Variants in CUBN observed in about 807,000 individuals in gnomAD.
CUBN encodes cubilin.
A neutral mutation model predicts 405.3 loss-of-function variants in CUBN; 282 were observed. The ratio of observed to expected loss-of-function variants is 0.70; its 90% CI spans 0.63 to 0.77. CUBN has a LOEUF of 0.77. Among genes scored for constraint, CUBN ranks in the 30% least tolerant of loss-of-function variants. The pLI is 0.00. For missense variants in CUBN, 4,514 were observed against 4,475.2 expected (o/e 1.01, Z -0.25); for synonymous variants, 1,684 against 1,617.0 (o/e 1.04, Z -0.99).
At chr10:16,873,417 T>C (rs779987515) in intron 58 of CUBN, among the ~76,000 whole-genome samples, 3 of 152,020 alleles carry the variant, frequency 2.0e-5, no homozygotes, top group Non-Finnish European at 2.9e-5. Context: ...ATTTCTTAAG[T>C]AGTTAGAAAA....
At chr10:17,121,448 A>T (rs556457754) in intron 6 of CUBN, among the ~76,000 whole-genome samples, 1 of 151,380 alleles carries the variant, frequency 6.6e-6, no homozygotes, top group Non-Finnish European at 1.5e-5. Context: ...TCACAAGGAC[A>T]AAAAACCAAA....
chr10:16,854,719 A>T (rs1839818397), intron 59 of CUBN, among the ~76,000 whole-genome samples: 1 of 152,244 alleles, frequency 6.6e-6, no homozygotes, highest in Non-Finnish European at 1.5e-5. Flanking sequence ...ATAAGTTCAT[A>T]AGGGCAAGAT....
intron 43 of CUBN, among the ~76,000 whole-genome samples, chr10:16,923,519 G>T (rs755001153): frequency 1.1e-4 from 16 of 152,330 alleles, no homozygotes; most frequent in Middle Eastern, 3.4e-3. Flanking sequence ...GAGTTGGTAA[G>T]TAGAGAGAAA....
intron 66 of CUBN, among the ~76,000 whole-genome samples, chr10:16,826,645 G>A (rs1222948607): frequency 1.3e-5 from 2 of 152,034 alleles, no homozygotes; most frequent in Admixed American, 6.6e-5. Context: ...GGAAAATACC[G>A]TAAACACCAA....
intron 10 of CUBN, among the ~76,000 whole-genome samples, chr10:17,108,377 GTA>G (rs1034804426): frequency 8.4e-5 from 4 of 47,514 alleles, no homozygotes; most frequent in Admixed American, 2.4e-4. Flanking sequence ...TTAGTCACAA[GTA>G]TATGTGTGTG....
chr10:17,075,719 C>T (rs1645172382), intron 17 of CUBN, among the ~76,000 whole-genome samples: 1 of 152,192 alleles, frequency 6.6e-6, no homozygotes, highest in African/African-American at 2.4e-5. Context: ...GACTCAGGCT[C>T]ATACTAGTTC....
rs1588653131 is a variant in CUBN, at chr10:17,115,659, A to C, written c.594-62T>G. ...GCTTTGGGGCCAGTGCCTGTCTCTT[A>C]ATATCAATGAGAAAAATAATTCAAA... On this transcript the variant is annotated intron_variant, in intron 6 of 66. Coordinates refer to ENST00000377833, the MANE Select transcript of CUBN (RefSeq NM_001081.4). 11 of 1,557,888 alleles carry C rather than the reference A, an allele frequency of 7.1e-6. No individual in the cohort carries two copies. In the South Asian group the frequency reaches 1.2e-4, roughly 17 times the overall value.
chr10:17,094,977 A>G (rs946632953), intron 14 of CUBN, among the ~76,000 whole-genome samples: 1 of 152,064 alleles, frequency 6.6e-6, no homozygotes, highest in Non-Finnish European at 1.5e-5. Flanking sequence ...TACATTTAAA[A>G]TAAAAATACA....
In CUBN at chr10:16,940,033, C is replaced by A; in HGVS notation, c.5547G>T (p.Lys1849Asn). ...ATCACTAAAATAGAAACAACTTACTCTTCATAAATGTGGCCTGGAAGCCCG... is the reference window on the plus strand; with the variant it reads ...ATCACTAAAATAGAAACAACTTACTATTCATAAATGTGGCCTGGAAGCCCG... ...SGTGFQATFM[K>N]IFGNDNIVGT... The change falls in exon 37 of 67, where the codon AAG (lysine) becomes AAT (asparagine). Residue 1849 changes from lysine to asparagine, a missense_variant and splice_region_variant. This residue lies in a region of CUBN where 1,613 missense variants were observed against 1,542.8 expected (regional missense o/e 1.05). Transcript: ENST00000377833. 1 of 1,612,968 alleles carries A rather than the reference C, an allele frequency of 6.2e-7. No individual in the cohort carries two copies. The highest frequency in any genetic ancestry group is 8.5e-7 in the Non-Finnish European group (1 of 1,178,990).
chr10:16,929,800 A>G (rs1183206379), intron 40 of CUBN, among the ~76,000 whole-genome samples: 1 of 152,230 alleles, frequency 6.6e-6, no homozygotes, highest in African/African-American at 2.4e-5. Flanking sequence ...CCTGTACTAC[A>G]AAATTTTGAA....
chr10:17,121,134 A>G lies in CUBN; in HGVS notation c.593+1661T>C, dbSNP rs984124319. On this transcript the variant is annotated intron_variant, in intron 6 of 66. Transcript: ENST00000377833. ...TGGAATCAAAAAGCTCTTTAATAAC[A>G]TAACACTAAATTTAAGTCAGAAGTG... Among the ~76,000 whole-genome samples, 4 of 152,236 alleles carry G rather than the reference A, an allele frequency of 2.6e-5. No homozygotes were observed. In the East Asian group the frequency reaches 5.8e-4, roughly 22 times the overall value.
intron 29 of CUBN, among the ~76,000 whole-genome samples, chr10:16,987,721 T>C (rs1442213610): frequency 6.6e-6 from 1 of 152,154 alleles, no homozygotes; most frequent in Non-Finnish European, 1.5e-5. Context: ...ACTACTAACA[T>C]GTTATCAGCA....
At chr10:17,001,279 G>A (rs143405292) in intron 28 of CUBN, among the ~76,000 whole-genome samples, 53 of 152,330 alleles carry the variant, frequency 3.5e-4, no homozygotes, top group East Asian at 1.4e-3. Context: ...CTTCCACAGC[G>A]TGCAGGGCAA....
chr10:16,935,618 G>A (rs777806796), intron 39 of CUBN, among the ~76,000 whole-genome samples: 2 of 152,028 alleles, frequency 1.3e-5, no homozygotes, highest in Admixed American at 6.5e-5. Context: ...AGTGGCTCAC[G>A]CCTGTAATTC....
chr10:17,114,288 G>T, intron 7 of CUBN, 99 bp from the exon 8 acceptor site: 1 of 1,234,798 alleles, frequency 8.1e-7, no homozygotes, highest in East Asian at 2.5e-5. Context: ...ATCCTCTAAC[G>T]TTCATTTCCA....
At chr10:16,828,722 TAAA>T in intron 66 of CUBN, 80 bp downstream of exon 66, 13 of 954,540 alleles carry the variant, frequency 1.4e-5, no homozygotes, top group Non-Finnish European at 1.7e-5. Flanking sequence ...GATTCCATCT[TAAA>T]AAAAAAAAAA....
chr10:16,918,642 A>T lies in CUBN; in HGVS notation c.6980T>A (p.Phe2327Tyr). The change falls in exon 45 of 67, where the codon TTC (phenylalanine) becomes TAC (tyrosine). Residue 2327 changes from phenylalanine to tyrosine, a missense_variant. Phe to Tyr is a conservative substitution (Grantham distance 22). This residue lies in a region of CUBN where 1,613 missense variants were observed against 1,542.8 expected (regional missense o/e 1.05). Coordinates refer to ENST00000377833, the MANE Select transcript of CUBN (RefSeq NM_001081.4). ...ATTACCTATAGAATACTTGGCCTTGAATCCCACATGTGTGGGGCTGTTGTC... is the reference window on the plus strand; with the variant it reads ...ATTACCTATAGAATACTTGGCCTTGTATCCCACATGTGTGGGGCTGTTGTC... ...RSDNSPTHVGFKAKYSIAQCG... is the reference protein window; with the variant it reads ...RSDNSPTHVGYKAKYSIAQCG... The T allele has an allele frequency of 1.2e-6, 2 of 1,613,830 alleles. No individual in the cohort carries two copies. Among genetic ancestry groups the T allele is most frequent in the South Asian group, 2.2e-5 (2 of 91,066 alleles).
At chr10:16,999,906 G>T (rs11597179) in intron 28 of CUBN, among the ~76,000 whole-genome samples, 35,903 of 152,016 alleles carry the variant, frequency 0.24, 4,333 homozygotes, top group East Asian at 0.36. Flanking sequence ...CCCTCTGCAG[G>T]GAGAGGACTC....
chr10:16,898,402 C>T (rs1417164663), intron 54 of CUBN, among the ~76,000 whole-genome samples: 5 of 152,024 alleles, frequency 3.3e-5, no homozygotes, highest in Non-Finnish European at 4.4e-5. Context: ...GAGGGGCTAA[C>T]GTGACCAGTG....
Sources: gnomAD v4.1 joint callset for allele counts (sites outside exome capture counted in the v4.1 genomes callset) on GRCh38, gnomAD v4.1.1 for gene constraint, gnomAD v4.1.1 regional missense constraint, MANE v1.5 for transcripts, NCBI Gene and HGNC (gene_info 2026-07-23, HGNC 2026-07-21) for gene names.